The following TXNRD1 variants were observed in gnomAD, a reference collection of about 807,000 sequenced individuals.
TXNRD1 encodes thioredoxin reductase 1, also known as thioredoxin reductase 1, cytoplasmic.
Under a neutral mutation model 80.3 loss-of-function variants are expected in TXNRD1, and 57 were observed. The ratio of observed to expected loss-of-function variants is 0.71; its 90% confidence interval spans 0.57 to 0.89. TXNRD1 has a LOEUF of 0.89. Ranked by LOEUF, TXNRD1 falls within the 40% of genes least tolerant of loss-of-function variation. The probability of loss-of-function intolerance (pLI) is 0.00; values close to 1 mark genes in which losing one functional copy is unlikely to be tolerated. For missense variants in TXNRD1, 730 were observed against 803.0 expected (o/e 0.91, Z 1.10); for synonymous variants, 291 against 285.2 (o/e 1.02, Z -0.20).
intron 16 of TXNRD1, among the ~76,000 whole-genome samples, chr12:104,347,975 G>A (rs1593894975): frequency 6.6e-6 from 1 of 152,074 alleles, no homozygotes; most frequent in East Asian, 1.9e-4. Context: ...GGAGGAAAAG[G>A]CCAATGGGGT....
intron 3 of TXNRD1, among the ~76,000 whole-genome samples, chr12:104,278,791 G>T (rs926343261): frequency 6.6e-6 from 1 of 152,134 alleles, no homozygotes; most frequent in African/African-American, 2.4e-5. Context: ...GTGAGCCACC[G>T]CACCCAGCCT....
chr12:104,278,359 C>A (rs2033803469), intron 3 of TXNRD1, among the ~76,000 whole-genome samples: 1 of 151,350 alleles, frequency 6.6e-6, no homozygotes, highest in Admixed American at 6.6e-5. Flanking sequence ...CACCCCCAAG[C>A]CTGGCTAATT....
intron 11 of TXNRD1, 98 bp downstream of exon 11, chr12:104,325,527 A>T: frequency 1.2e-6 from 1 of 863,648 alleles, no homozygotes; most frequent in Non-Finnish European, 1.9e-6. Context: ...TGATTTCCAA[A>T]TGTACTGGTT....
chr12:104,302,635 G>C (rs943159452), intron 4 of TXNRD1, among the ~76,000 whole-genome samples: 8 of 151,974 alleles, frequency 5.3e-5, no homozygotes, highest in African/African-American at 1.9e-4. Flanking sequence ...GACTATAGGC[G>C]CCTGCCACCG....
intron 2 of TXNRD1, among the ~76,000 whole-genome samples, chr12:104,253,585 G>T (rs2033177098): frequency 6.6e-6 from 1 of 152,096 alleles, no homozygotes; most frequent in Non-Finnish European, 1.5e-5. Context: ...ATGTAGCTCT[G>T]CAATTCTTAT....
rs557233693 is a variant in TXNRD1 at position 104,296,055 on chromosome 12, A to G, written c.414+7015A>G. Among the ~76,000 whole-genome samples the G allele has an allele frequency of 9.1e-3, 1,391 of 152,356 alleles. 24 individuals carry two copies. Among genetic ancestry groups the G allele is most frequent in the African/African-American group, 0.032 (1,319 of 41,582 alleles). On this transcript the variant is annotated intron_variant, in intron 4 of 16. Coordinates refer to ENST00000525566, the MANE Select transcript of TXNRD1 (RefSeq NM_001093771.3). ...AGAAAATAAAAGCCTTGAGAATTTAAGGAGCATGCCCAGATTACAAGCTAG... is the reference window on the plus strand; with the variant it reads ...AGAAAATAAAAGCCTTGAGAATTTAGGGAGCATGCCCAGATTACAAGCTAG...
chr12:104,246,687 T>A (rs2033003830), intron 1 of TXNRD1, among the ~76,000 whole-genome samples: 6 of 151,460 alleles, frequency 4.0e-5, no homozygotes, highest in Admixed American at 3.9e-4. Flanking sequence ...CATACCCAGC[T>A]AATTTTTGTA....
chr12:104,343,796 CT>C (rs1015494222), intron 16 of TXNRD1, among the ~76,000 whole-genome samples: 1 of 56,880 alleles, frequency 1.8e-5, no homozygotes, highest in Non-Finnish European at 3.8e-5. Flanking sequence ...GAGACCCTGT[CT>C]CAAAAAAAAA....
chr12:104,341,732 A>C (rs1348955008), intron 16 of TXNRD1, among the ~76,000 whole-genome samples: 1 of 152,058 alleles, frequency 6.6e-6, no homozygotes, highest in East Asian at 1.9e-4. Flanking sequence ...AATGTAACTC[A>C]ATTCTGATAC....
chr12:104,267,177 AAAAT>A (rs1565869662), intron 3 of TXNRD1, among the ~76,000 whole-genome samples: 3 of 133,630 alleles, frequency 2.2e-5, no homozygotes, highest in Non-Finnish European at 3.3e-5. Context: ...AAAAAAAAAA[AAAAT>A]AATATAATAA....
intron 1 of TXNRD1, among the ~76,000 whole-genome samples, chr12:104,227,698 T>C (rs972926049): frequency 1.1e-4 from 17 of 152,236 alleles, no homozygotes; most frequent in Admixed American, 2.0e-4. Flanking sequence ...AGGATACAAC[T>C]GTATTCCAAT....
rs1209231194 is a variant in TXNRD1, at chr12:104,330,661, A to T, written c.1543-873A>T. On this transcript the variant is annotated intron_variant, in intron 13 of 16. Coordinates refer to ENST00000525566, the MANE Select transcript of TXNRD1 (RefSeq NM_001093771.3). ...GAGTGCAATGGCGTGATCTTGGCTC[A>T]CTGCAACCTCTGCCTCCCGGGTTCA... 2.0e-5 allele frequency among the ~76,000 whole-genome samples: 3 copies of T among 152,158 alleles called. No homozygotes were observed. The East Asian group carries it at 5.8e-4, about 29-fold the overall frequency.
chr12:104,222,719 C>T (rs146659789), intron 1 of TXNRD1, among the ~76,000 whole-genome samples: 381 of 152,216 alleles, frequency 2.5e-3, no homozygotes, highest in Non-Finnish European at 3.9e-3. Context: ...CAGGTGGTGG[C>T]ATGCGCATGT....
rs1375892506 is a variant in TXNRD1, at chr12:104,309,914, C to G, written c.415-1376C>G. ...GTTTCCAGGTGTTCTCCCTTCAGTC[C>G]CTGAGCCACTACGTATGCCCGCCAT... On this transcript the variant is annotated intron_variant, in intron 4 of 16. Transcript: ENST00000525566. 2.6e-6 allele frequency: 4 copies of G among 1,535,978 alleles called. No individual in the cohort carries two copies. In the African/African-American group the frequency reaches 4.1e-5, roughly 16 times the overall value.
intron 16 of TXNRD1, among the ~76,000 whole-genome samples, chr12:104,342,139 A>G (rs2036347167): frequency 6.6e-6 from 1 of 152,078 alleles, no homozygotes; most frequent in South Asian, 2.1e-4. Context: ...GGCATGATTG[A>G]TTAATCATTG....
At chr12:104,292,395 C>CCTT (rs1555212331) in intron 4 of TXNRD1, among the ~76,000 whole-genome samples, 3 of 146,094 alleles carry the variant, frequency 2.1e-5, no homozygotes, top group Non-Finnish European at 3.0e-5. Context: ...GCCCCCCCGC[C>CCTT]TTTTTTTTTT....
intron 1 of TXNRD1, among the ~76,000 whole-genome samples, chr12:104,246,714 G>A (rs1159237939): frequency 6.6e-6 from 1 of 151,558 alleles, no homozygotes; most frequent in African/African-American, 2.4e-5. Context: ...GTAGAGACTG[G>A]GTTTCACCAT....
At chr12:104,280,842 G>C (rs1219391183) in intron 3 of TXNRD1, 1 of 151,942 alleles carries the variant, frequency 6.6e-6, no homozygotes, top group Non-Finnish European at 1.5e-5. Flanking sequence ...AGACTTATCA[G>C]CCCTCACAAC....
intron 16 of TXNRD1, among the ~76,000 whole-genome samples, chr12:104,340,927 AGAC>A (rs2036305052): frequency 6.6e-6 from 1 of 152,204 alleles, no homozygotes; most frequent in Non-Finnish European, 1.5e-5. Flanking sequence ...ACGAAGGAAA[AGAC>A]GATTTTATTG....
Sources: gnomAD v4.1 joint callset for allele counts (sites outside exome capture counted in the v4.1 genomes callset) on GRCh38, gnomAD v4.1.1 for gene constraint, MANE v1.5 for transcripts, NCBI Gene and HGNC (gene_info 2026-07-23, HGNC 2026-07-21) for gene names.